KHDRBS2: variants seen among roughly 807,000 people sequenced by gnomAD.
The protein encoded by KHDRBS2 is KH domain-containing, RNA-binding, signal transduction-associated protein 2.
A neutral mutation model predicts 44.3 loss-of-function variants in KHDRBS2; 26 were observed. The observed-to-expected ratio is 0.59, with a 90% CI of 0.43 to 0.81. The LOEUF is 0.81. KHDRBS2 is among the 40% of genes least tolerant of loss of function. KHDRBS2 has a pLI of 0.00. For synonymous variants in KHDRBS2, 194 were observed against 151.1 expected (o/e 1.28, Z -2.08); for missense variants, 476 against 433.1 (o/e 1.10, Z -0.88).
intron 2 of KHDRBS2, among the ~76,000 whole-genome samples, chr6:62,049,705 C>T (rs1048370662): frequency 6.6e-6 from 1 of 152,012 alleles, no homozygotes; most frequent in Non-Finnish European, 1.5e-5. Context: ...AAAATATTCT[C>T]CTGTTCTGTA....
intron 2 of KHDRBS2, among the ~76,000 whole-genome samples, chr6:62,073,622 G>A (rs922913260): frequency 1.5e-5 from 2 of 137,554 alleles, no homozygotes; most frequent in Non-Finnish European, 3.1e-5. Flanking sequence ...TTATTTTTTC[G>A]AGTTTATTAA....
intron 2 of KHDRBS2, among the ~76,000 whole-genome samples, chr6:62,176,387 A>G (rs1019102788): frequency 3.3e-5 from 5 of 151,364 alleles, no homozygotes; most frequent in African/African-American, 9.7e-5. Flanking sequence ...TATATTTACT[A>G]AAGTTTATCA....
chr6:61,623,743 A>G, the KHDRBS2 span, among the ~76,000 whole-genome samples: 3 of 152,320 alleles, frequency 2.0e-5, no homozygotes, highest in African/African-American at 4.8e-5. Context: ...GCTTGCACAC[A>G]TGGCCTGATA....
intron 3 of KHDRBS2, among the ~76,000 whole-genome samples, chr6:62,038,137 C>A (rs1372062884): frequency 1.3e-5 from 2 of 151,784 alleles, no homozygotes; most frequent in African/African-American, 4.8e-5. Context: ...CACTGTCCTG[C>A]TGCAAAAAAA....
At chr6:61,589,086 C>A in the KHDRBS2 span, among the ~76,000 whole-genome samples, 4 of 151,278 alleles carry the variant, frequency 2.6e-5, no homozygotes, top group African/African-American at 9.7e-5. Flanking sequence ...GGTAGGGGGG[C>A]AAAGGGAAGG....
chr6:61,937,842 C>T (rs1027910524), intron 4 of KHDRBS2, among the ~76,000 whole-genome samples: 3 of 152,114 alleles, frequency 2.0e-5, no homozygotes, highest in African/African-American at 4.8e-5. Context: ...CCATGAGTTA[C>T]ATGGGTCCAC....
At chr6:61,672,469 A>C in the KHDRBS2 span, among the ~76,000 whole-genome samples, 4 of 152,096 alleles carry the variant, frequency 2.6e-5, no homozygotes, top group African/African-American at 9.7e-5. Context: ...CCAACAGTGT[A>C]AAAGTGTTCC....
intron 6 of KHDRBS2, among the ~76,000 whole-genome samples, chr6:61,792,094 A>C (rs762938086): frequency 2.8e-4 from 43 of 151,422 alleles, no homozygotes; most frequent in Non-Finnish European, 5.9e-4. Context: ...AGCTTACTGA[A>C]ATCTTAATTT....
At chr6:61,752,019 AC>A (rs957329117) in intron 6 of KHDRBS2, among the ~76,000 whole-genome samples, 1 of 151,998 alleles carries the variant, frequency 6.6e-6, no homozygotes, top group African/African-American at 2.4e-5. Context: ...CTGCCTAATG[AC>A]CCCATTTTAT....
rs1216265924 is a variant in KHDRBS2, at chr6:61,887,013, G to A, written c.810+7622C>T. Among the ~76,000 whole-genome samples, 7 of 152,126 alleles carry A rather than the reference G, an allele frequency of 4.6e-5. No homozygotes were observed. In the East Asian group the frequency reaches 1.4e-3, roughly 29 times the overall value. Reference sequence around the variant, plus strand: ...CTAGATGGGAGTATGAAGTACAAATGATCTGTGTGAAACTGTGTGAGTTCT... The same window carrying A: ...CTAGATGGGAGTATGAAGTACAAATAATCTGTGTGAAACTGTGTGAGTTCT... On this transcript the variant is annotated intron_variant, in intron 6 of 8. Transcript: ENST00000281156.
At chr6:62,056,717 T>C (rs1037533359) in intron 2 of KHDRBS2, among the ~76,000 whole-genome samples, 5 of 151,986 alleles carry the variant, frequency 3.3e-5, no homozygotes, top group Non-Finnish European at 5.9e-5. Flanking sequence ...CCTTTATTGA[T>C]GACAGTAAAA....
chr6:61,708,417 C>A (rs1333990244), intron 7 of KHDRBS2, among the ~76,000 whole-genome samples: 4 of 151,440 alleles, frequency 2.6e-5, no homozygotes, highest in Admixed American at 1.3e-4. Flanking sequence ...AATGCAAATA[C>A]ATCTCTCTGT....
chr6:61,634,803 T>C, the KHDRBS2 span, among the ~76,000 whole-genome samples: 2 of 152,200 alleles, frequency 1.3e-5, no homozygotes, highest in African/African-American at 4.8e-5. Context: ...TAAGCATTAA[T>C]TTGTATCTAA....
intron 4 of KHDRBS2, among the ~76,000 whole-genome samples, chr6:61,959,611 T>C (rs538038946): frequency 4.7e-4 from 71 of 152,302 alleles, no homozygotes; most frequent in African/African-American, 1.6e-3. Context: ...TTGATACTTC[T>C]ACTATTCTTA....
intron 6 of KHDRBS2, among the ~76,000 whole-genome samples, chr6:61,791,542 A>G (rs889742884): frequency 2.6e-5 from 4 of 151,566 alleles, no homozygotes; most frequent in African/African-American, 9.7e-5. Flanking sequence ...AATTGAGATC[A>G]AAAATTATAT....
intron 1 of KHDRBS2, among the ~76,000 whole-genome samples, chr6:62,201,125 C>A (rs1173974319): frequency 6.6e-6 from 1 of 151,858 alleles, no homozygotes; most frequent in Non-Finnish European, 1.5e-5. Context: ...AGGAGATATA[C>A]CTAATATTAA....
At chr6:61,797,747 G>C (rs1165002912) in intron 6 of KHDRBS2, among the ~76,000 whole-genome samples, 3 of 151,342 alleles carry the variant, frequency 2.0e-5, no homozygotes, top group Non-Finnish European at 4.4e-5. Flanking sequence ...GTGTGTGTGT[G>C]TGTGTGTGTG....
chr6:62,072,872 G>T lies in KHDRBS2; in HGVS notation c.220-24878C>A, dbSNP rs142158354. Among the ~76,000 whole-genome samples, 51 of 152,178 alleles carry T rather than the reference G, an allele frequency of 3.4e-4. No homozygotes were observed. In the East Asian group the frequency reaches 7.5e-3, roughly 23 times the overall value. The stretch of plus-strand genomic sequence containing the variant: ...TGGCCTCATAAAATGAGTTAGGGAC[G>T]ATTCCCTCTTTTTTTATTGATTGGA... On this transcript the variant is annotated intron_variant, in intron 2 of 8. Transcript: ENST00000281156.
At chr6:61,738,241 A>C (rs1775673670) in intron 6 of KHDRBS2, among the ~76,000 whole-genome samples, 1 of 151,992 alleles carries the variant, frequency 6.6e-6, no homozygotes, top group Non-Finnish European at 1.5e-5. Flanking sequence ...AGTAAAAGAA[A>C]ACCTTCTAAA....
Sources: gnomAD v4.1 joint callset for allele counts (sites outside exome capture counted in the v4.1 genomes callset) on GRCh38, gnomAD v4.1.1 for gene constraint, MANE v1.5 for transcripts, NCBI Gene and HGNC (gene_info 2026-07-23, HGNC 2026-07-21) for gene names.